SYT15: variants seen among roughly 807,000 people sequenced by gnomAD.
SYT15 encodes synaptotagmin-15.
SYT15 carries 4 observed loss-of-function variants against 30.1 expected under a neutral mutation model. That is an observed-to-expected ratio of 0.13 (90% CI 0.07 to 0.30). The LOEUF (loss-of-function observed/expected upper bound fraction) is 0.30, where lower values mean the gene tolerates loss of function less well. SYT15 is among the 10% of genes least tolerant of loss of function. The pLI, the probability that SYT15 is intolerant of heterozygous loss-of-function variation, is 1.00. For synonymous variants in SYT15, 19 were observed against 166.3 expected (o/e 0.11, Z 6.82); for missense variants, 49 against 371.7 (o/e 0.13, Z 7.14).
intron 7 of SYT15, among the ~76,000 whole-genome samples, chr10:46,586,241 CAAAAAAAAA>C (rs375456623): frequency 0.37 from 8,019 of 21,686 alleles, 968 homozygotes; most frequent in Admixed American, 0.48. Flanking sequence ...CTGAATCTGT[CAAAAAAAAA>C]AAAAAAAAAA....
At chr10:46,586,365 T>G in intron 7 of SYT15, among the ~76,000 whole-genome samples, 1 of 127,700 alleles carries the variant, frequency 7.8e-6, no homozygotes. Context: ...GCTAACACAG[T>G]GAAACCACGT....
chr10:46,592,241 A>G (rs1845480978), downstream of SYT15, among the ~76,000 whole-genome samples: 1 of 132,650 alleles, frequency 7.5e-6, no homozygotes, highest in African/African-American at 3.0e-5. Context: ...AATCTAATAC[A>G]AATTTTACTT....
At chr10:46,595,061 C>G (rs1215140967), downstream of SYT15, among the ~76,000 whole-genome samples, 6 of 117,336 alleles carry the variant, frequency 5.1e-5, no homozygotes, top group Admixed American at 5.0e-4. Context: ...CAATGCCATA[C>G]TTAAATAAGC....
At position 46,586,547 on chromosome 10, in the gene SYT15, A is replaced by G. The variant is rs75167947; in HGVS notation, c.1123+770A>G. Reference sequence around the variant, plus strand: ...GGCAACAGAGCGAGACTTCGTCTCAAAAAAAAAAAAAGAGGTTGGCTGGGT... The same window carrying G: ...GGCAACAGAGCGAGACTTCGTCTCAGAAAAAAAAAAAGAGGTTGGCTGGGT... On this transcript the variant is annotated intron_variant, in intron 7 of 7. Coordinates refer to ENST00000374321, the MANE Select transcript of SYT15 (RefSeq NM_031912.5). 2.7e-4 allele frequency among the ~76,000 whole-genome samples: 34 copies of G among 127,746 alleles called. 2 individuals carry two copies. The highest frequency in any genetic ancestry group is 2.6e-3 in the Admixed American group (34 of 13,030). The allele number at this position is 127,746 out of a possible 152,430, so 83.8% of individuals were successfully genotyped here. A position where few individuals can be genotyped will look rare whatever the true frequency, so the allele number is the denominator to read the frequency against.
At chr10:46,594,598 C>A (rs1845601606), downstream of SYT15, among the ~76,000 whole-genome samples, 2 of 143,322 alleles carry the variant, frequency 1.4e-5, no homozygotes, top group South Asian at 4.4e-4. Context: ...TCTTGTCTCT[C>A]CAGCTGAAGA....
At position 46,590,790 on chromosome 10, in the gene SYT15, AT is replaced by A. The variant is rs1219552698; in HGVS notation, c.*3150del. The A allele has an allele frequency of 3.2e-5, 4 of 125,980 alleles. No homozygotes were observed. Among genetic ancestry groups the A allele is most frequent in the African/African-American group, 6.5e-5 (2 of 30,876 alleles). 7.8% of individuals were successfully genotyped at this position (125,980 alleles called of 1,614,324 possible). A position where few individuals can be genotyped will look rare whatever the true frequency, so the allele number is the denominator to read the frequency against. The stretch of plus-strand genomic sequence containing the variant: ...CATATATTCTCAAGCTGTTAAAAAG[AT>A]TTTTTTAATTACAAATAAGGTTAAA... On this transcript the variant is annotated 3_prime_UTR_variant, in exon 8 of 8. Coordinates refer to ENST00000374321, the MANE Select transcript of SYT15 (RefSeq NM_031912.5).
Position 46,580,903 on chromosome 10 carries a change from T to G in SYT15, c.222T>G (p.Ala74=). Residue 74 remains alanine (A), a synonymous_variant, in exon 3 of 8, where the codon GCT becomes GCG. Transcript: ENST00000374321. ...CCCTGACTCTGGACAGGCCACCAGC[T>G]GTGCCATTCGTGGTGCCCCCAACCC... The part of the protein sequence containing the change: ...HARTQLSRPP[A]VPFVVPPTLQ... The G allele has an allele frequency of 7.0e-7, 1 of 1,435,182 alleles. No individual in the cohort carries two copies. Among genetic ancestry groups the G allele is most frequent in the East Asian group, 2.4e-5 (1 of 41,120 alleles). The allele number at this position is 1,435,182 out of a possible 1,614,324, so 88.9% of individuals were successfully genotyped here. A position where few individuals can be genotyped will look rare whatever the true frequency, so the allele number is the denominator to read the frequency against.
In SYT15 at chr10:46,591,055, T is replaced by C. The variant is rs547049893; in HGVS notation, c.*3408T>C. On this transcript the variant is annotated 3_prime_UTR_variant, in exon 8 of 8. Coordinates refer to ENST00000374321, the MANE Select transcript of SYT15 (RefSeq NM_031912.5). ...AGATTTATTAGAGGGAGCATGGCCA[T>C]AAAATAAAATAAAATAAAATTTAGA... 7.5e-6 allele frequency: 1 copy of C among 133,318 alleles called. No individual in the cohort carries two copies. Among genetic ancestry groups the C allele is most frequent in the South Asian group, 2.4e-4 (1 of 4,118 alleles). 8.3% of individuals were successfully genotyped at this position (133,318 alleles called of 1,614,324 possible). A position where few individuals can be genotyped will look rare whatever the true frequency, so the allele number is the denominator to read the frequency against.
chr10:46,596,698 T>G, downstream of SYT15: 2 of 367,192 alleles, frequency 5.4e-6, no homozygotes, highest in East Asian at 1.4e-4. Context: ...CTCTAGACTC[T>G]ACTAGGTGAT....
At chr10:46,595,754 G>T (rs1845660367), downstream of SYT15, among the ~76,000 whole-genome samples, 1 of 129,054 alleles carries the variant, frequency 7.7e-6, no homozygotes. Flanking sequence ...GCTGGGCCTG[G>T]CAACTCACTT....
chr10:46,596,803 A>C (rs1438725256), downstream of SYT15: 1 of 436,080 alleles, frequency 2.3e-6, no homozygotes, highest in Non-Finnish European at 4.5e-6. Flanking sequence ...GCCAAATGCA[A>C]GCCTGGGCCA....
Position 46,588,380 on chromosome 10 carries a change from T to C in SYT15, c.*733T>C, listed in dbSNP as rs1845193278. ...TCCCTGATTAAGAGCATTCAGTTCC[T>C]GGGCTCTCCCTTTGAGCAGGAAATG... On this transcript the variant is annotated 3_prime_UTR_variant, in exon 8 of 8. Transcript: ENST00000374321. 3.0e-6 allele frequency: 1 copy of C among 332,466 alleles called. No homozygotes were observed. The highest frequency in any genetic ancestry group is 4.2e-6 in the Non-Finnish European group (1 of 240,142). 20.6% of individuals were successfully genotyped at this position (332,466 alleles called of 1,614,324 possible).
chr10:46,594,684 G>A (rs1156356109), downstream of SYT15, among the ~76,000 whole-genome samples: 11 of 132,852 alleles, frequency 8.3e-5, 1 homozygote, highest in African/African-American at 1.5e-4. Flanking sequence ...AAATCAGCAC[G>A]TTTCCTGAAG....
chr10:46,586,545 C>CA (rs1160617773), intron 7 of SYT15, among the ~76,000 whole-genome samples: 11,096 of 94,642 alleles, frequency 0.12, 1,219 homozygotes, highest in Admixed American at 0.2. Flanking sequence ...GACTTCGTCT[C>CA]AAAAAAAAAA....
downstream of SYT15, chr10:46,596,328 C>T (rs1555045715): frequency 6.6e-6 from 1 of 151,532 alleles, no homozygotes; most frequent in African/African-American, 2.5e-5. Flanking sequence ...CTCGAGCATC[C>T]TGCTGTCATA....
At chr10:46,594,924 G>A (rs1845615499), downstream of SYT15, among the ~76,000 whole-genome samples, 1 of 99,866 alleles carries the variant, frequency 1.0e-5, no homozygotes, top group South Asian at 3.6e-4. Flanking sequence ...AGCAGAGAGT[G>A]ATTTTATACA....
chr10:46,579,622 C>T (rs1257745587), intron 1 of SYT15, among the ~76,000 whole-genome samples: 3 of 136,678 alleles, frequency 2.2e-5, no homozygotes, highest in African/African-American at 9.0e-5. Context: ...CTCCCCTAAG[C>T]GCGTGCTCAC....
chr10:46,595,671 C>T (rs371988283), downstream of SYT15, among the ~76,000 whole-genome samples: 3 of 136,518 alleles, frequency 2.2e-5, no homozygotes, highest in Admixed American at 7.4e-5. Flanking sequence ...AGGCTCGTCT[C>T]GAACTCCGGA....
chr10:46,590,789 G>T lies in SYT15; in HGVS notation c.*3142G>T, dbSNP rs558599625. ...ACATATATTCTCAAGCTGTTAAAAA[G>T]ATTTTTTTAATTACAAATAAGGTTA... On this transcript the variant is annotated 3_prime_UTR_variant, in exon 8 of 8. Transcript: ENST00000374321. 1.2e-3 allele frequency: 152 copies of T among 126,478 alleles called. 15 individuals are homozygous for T. Among genetic ancestry groups the T allele is most frequent in the African/African-American group, 4.4e-3 (137 of 31,046 alleles). The allele number at this position is 126,478 out of a possible 1,614,324, so 7.8% of individuals were successfully genotyped here.
Sources: gnomAD v4.1 joint callset for allele counts (sites outside exome capture counted in the v4.1 genomes callset) on GRCh38, gnomAD v4.1.1 for gene constraint, MANE v1.5 for transcripts, NCBI Gene and HGNC (gene_info 2026-07-23, HGNC 2026-07-21) for gene names.